ATRNL1: variants seen among roughly 807,000 people sequenced by gnomAD.
ATRNL1 encodes the protein attractin-like protein 1.
A neutral mutation model predicts 182.7 loss-of-function variants in ATRNL1; 95 were observed. That is an observed-to-expected ratio of 0.52 (90% CI 0.44 to 0.62). The LOEUF (loss-of-function observed/expected upper bound fraction) is 0.62. Ranked by LOEUF, ATRNL1 falls within the 20% of genes least tolerant of loss-of-function variation. The pLI is 0.00. For missense variants in ATRNL1, 1,471 were observed against 1,679.5 expected (o/e 0.88, Z 2.17); for synonymous variants, 576 against 568.3 (o/e 1.01, Z -0.19).
chr10:115,277,343 A>G (rs2133913852), intron 13 of ATRNL1, among the ~76,000 whole-genome samples: 1 of 152,178 alleles, frequency 6.6e-6, no homozygotes, highest in Non-Finnish European at 1.5e-5. Context: ...AAAATGCTCT[A>G]ATAGAAATTA....
chr10:115,647,972 A>G (rs1859739823), intron 26 of ATRNL1, among the ~76,000 whole-genome samples: 3 of 152,184 alleles, frequency 2.0e-5, no homozygotes, highest in Admixed American at 1.3e-4. Context: ...TAATTTTAGT[A>G]TAAGCTGTAA....
chr10:115,506,850 T>C (rs1554981457), intron 24 of ATRNL1, among the ~76,000 whole-genome samples: 1 of 152,086 alleles, frequency 6.6e-6, no homozygotes, highest in African/African-American at 2.4e-5. Context: ...CAGAATTGCC[T>C]TGTGGTTACC....
chr10:115,256,284 G>A (rs1554906916), intron 10 of ATRNL1, among the ~76,000 whole-genome samples: 1 of 151,976 alleles, frequency 6.6e-6, no homozygotes, highest in Non-Finnish European at 1.5e-5. Flanking sequence ...TTTTTGTTTG[G>A]TAGGCTATTA....
rs1035830246 is a variant in ATRNL1 at position 115,514,447 on chromosome 10, T to A, written c.3655-4816T>A. 6.0e-5 allele frequency among the ~76,000 whole-genome samples: 9 copies of A among 149,768 alleles called. 1 individual carries two copies. The highest frequency in any genetic ancestry group is 1.3e-4 in the Non-Finnish European group (9 of 67,166). On this transcript the variant is annotated intron_variant, in intron 24 of 28. Coordinates refer to ENST00000355044, the MANE Select transcript of ATRNL1 (RefSeq NM_207303.4). The stretch of plus-strand genomic sequence containing the variant: ...AAGTAGTCAGTTTCCTCTGGCTACT[T>A]TATTTATTCAAATATTCTTTGGGCA...
At chr10:115,625,898 G>A (rs989034975) in intron 26 of ATRNL1, among the ~76,000 whole-genome samples, 19 of 151,948 alleles carry the variant, frequency 1.3e-4, no homozygotes, top group African/African-American at 4.1e-4. Flanking sequence ...CAACTTGTTC[G>A]TTCCTCTGTC....
At chr10:115,118,872 T>C (rs1844604536) in intron 1 of ATRNL1, among the ~76,000 whole-genome samples, 1 of 152,190 alleles carries the variant, frequency 6.6e-6, no homozygotes, top group Non-Finnish European at 1.5e-5. Flanking sequence ...TTGTCTTCAG[T>C]GGAGAGTTTT....
intron 26 of ATRNL1, among the ~76,000 whole-genome samples, chr10:115,687,731 A>G (rs111698808): frequency 0.049 from 7,382 of 152,070 alleles, 592 homozygotes; most frequent in African/African-American, 0.17. Flanking sequence ...TGTTTGTTGC[A>G]GGCAAAAATT....
intron 15 of ATRNL1, among the ~76,000 whole-genome samples, chr10:115,293,536 AG>A (rs1208814655): frequency 1.3e-5 from 2 of 151,332 alleles, no homozygotes; most frequent in Non-Finnish European, 2.9e-5. Flanking sequence ...CTTTCTCCTT[AG>A]TGTGTTGGCT....
intron 28 of ATRNL1, among the ~76,000 whole-genome samples, chr10:115,864,403 G>A (rs1437581805): frequency 6.6e-6 from 1 of 152,150 alleles, no homozygotes; most frequent in Non-Finnish European, 1.5e-5. Context: ...AATTGTTAAA[G>A]GTAAGAACCA....
chr10:115,096,221 G>C (rs2085007506), intron 1 of ATRNL1, among the ~76,000 whole-genome samples: 1 of 151,922 alleles, frequency 6.6e-6, no homozygotes, highest in African/African-American at 2.4e-5. Context: ...TACTCTATTG[G>C]GTAAATGCTT....
intron 27 of ATRNL1, among the ~76,000 whole-genome samples, chr10:115,761,908 A>G (rs1385030286): frequency 1.3e-5 from 2 of 152,172 alleles, no homozygotes; most frequent in Non-Finnish European, 2.9e-5. Context: ...AACAATAACC[A>G]TTACTTTCCT....
At chr10:115,866,507 T>C (rs1222507474) in intron 28 of ATRNL1, among the ~76,000 whole-genome samples, 3 of 152,224 alleles carry the variant, frequency 2.0e-5, no homozygotes, top group Admixed American at 1.3e-4. Flanking sequence ...CTGTGTCTAT[T>C]TGACAAATTA....
chr10:115,491,787 T>C (rs1320415617), intron 24 of ATRNL1, among the ~76,000 whole-genome samples: 3 of 152,116 alleles, frequency 2.0e-5, no homozygotes, highest in Non-Finnish European at 4.4e-5. Flanking sequence ...CAGGTGCCAC[T>C]GGGATATGAA....
chr10:115,412,846 T>C (rs1441491115), intron 20 of ATRNL1, among the ~76,000 whole-genome samples: 3 of 152,194 alleles, frequency 2.0e-5, no homozygotes, highest in Non-Finnish European at 4.4e-5. Context: ...TCTGCAAAAT[T>C]GCCTTAATAA....
At chr10:115,213,618 G>A (rs1446087424) in intron 8 of ATRNL1, among the ~76,000 whole-genome samples, 6 of 151,910 alleles carry the variant, frequency 3.9e-5, no homozygotes, top group Admixed American at 2.0e-4. Context: ...AGTTTCTAAG[G>A]TCTGTGGGGG....
At chr10:115,571,114 T>G (rs1204006262) in intron 26 of ATRNL1, among the ~76,000 whole-genome samples, 2 of 152,176 alleles carry the variant, frequency 1.3e-5, no homozygotes, top group African/African-American at 4.8e-5. Context: ...TATGGGCCTA[T>G]CCATATAGCC....
chr10:115,774,119 A>G (rs1481941549), intron 27 of ATRNL1, among the ~76,000 whole-genome samples: 4 of 152,126 alleles, frequency 2.6e-5, no homozygotes, highest in Non-Finnish European at 4.4e-5. Flanking sequence ...CCCCAGCCCC[A>G]GGTGTGGAGT....
chr10:115,691,183 C>A lies in ATRNL1; in HGVS notation c.3796-36065C>A, dbSNP rs531726327. ...TTGAACCAGTGTTCTTATTTTTAAC[C>A]TTCAGGAACTTCCATAGTGTTTTCC... On this transcript the variant is annotated intron_variant, in intron 26 of 28. Transcript: ENST00000355044. 2.6e-5 allele frequency among the ~76,000 whole-genome samples: 4 copies of A among 152,222 alleles called. No homozygotes were observed. The South Asian group carries it at 8.3e-4, about 32-fold the overall frequency.
At chr10:115,284,656 G>C (rs1852521525) in intron 14 of ATRNL1, among the ~76,000 whole-genome samples, 1 of 152,114 alleles carries the variant, frequency 6.6e-6, no homozygotes, top group African/African-American at 2.4e-5. Flanking sequence ...ATAGTACTGA[G>C]ACATTATTTG....
Sources: gnomAD v4.1 joint callset for allele counts (sites outside exome capture counted in the v4.1 genomes callset) on GRCh38, gnomAD v4.1.1 for gene constraint, MANE v1.5 for transcripts, NCBI Gene and HGNC (gene_info 2026-07-23, HGNC 2026-07-21) for gene names.